The following NRN1 variants were observed in gnomAD, a reference collection of about 807,000 sequenced individuals.
NRN1 encodes neuritin.
NRN1 carries 4 observed loss-of-function variants against 15.0 expected under a neutral mutation model. The ratio of observed to expected loss-of-function variants is 0.27; its 90% CI spans 0.13 to 0.61. NRN1 has a LOEUF of 0.61. NRN1 is among the 20% of genes least tolerant of loss of function. The probability of loss-of-function intolerance (pLI) is 0.87; values close to 1 mark genes in which losing one functional copy is unlikely to be tolerated. For missense variants in NRN1, 134 were observed against 181.9 expected, an observed-to-expected ratio of 0.74 and a Z score of 1.51; for synonymous variants, 85 against 79.8, an observed-to-expected ratio of 1.07 and a Z score of -0.35.
At position 6,006,746 on chromosome 6, in the gene NRN1, C is replaced by T; in HGVS notation, c.4G>A (p.Gly2Arg). 1 of 1,614,066 alleles carries T rather than the reference C, an allele frequency of 6.2e-7. No individual in the cohort carries two copies. Among genetic ancestry groups the T allele is most frequent in the Non-Finnish European group, 8.5e-7 (1 of 1,179,958 alleles). MGLKLNGRYISL... is the reference protein window; with the variant it reads MRLKLNGRYISL... ...ATATATCTGCCGTTCAACTTAAGTC[C>T]CATCCTACGTTTAGTCAAACCATTT... Residue 2 changes from glycine to arginine, a missense_variant, in exon 1 of 3, where the codon GGA becomes AGA. Transcript: ENST00000244766.
At chr6:6,002,541 C>T (rs1225511463) in intron 1 of NRN1, 44 bp from the exon 2 acceptor site, 3 of 1,592,432 alleles carry the variant, frequency 1.9e-6, no homozygotes, top group East Asian at 2.2e-5. Flanking sequence ...CACGACCCCG[C>T]CCTGCCGCCC....
At chr6:6,007,416 G>A (rs1004574114), upstream of NRN1, 1 of 152,234 alleles carries the variant, frequency 6.6e-6, no homozygotes, top group Non-Finnish European at 1.5e-5. Flanking sequence ...AGCGGGAGAG[G>A]GAAAAACAGC....
upstream of NRN1, chr6:6,007,108 T>C (rs983333340): frequency 4.1e-6 from 1 of 242,342 alleles, no homozygotes; most frequent in African/African-American, 2.3e-5. Flanking sequence ...AATCGCCATT[T>C]ATAGTCATCA....
At chr6:6,004,211 G>A (rs1476154668) in intron 1 of NRN1, among the ~76,000 whole-genome samples, 1 of 152,212 alleles carries the variant, frequency 6.6e-6, no homozygotes, top group Non-Finnish European at 1.5e-5. Context: ...TCACCTTACA[G>A]CGAACATTAA....
intron 1 of NRN1, among the ~76,000 whole-genome samples, chr6:6,005,705 T>C (rs1157953801): frequency 5.9e-5 from 9 of 152,228 alleles, no homozygotes; most frequent in Admixed American, 2.6e-4. Flanking sequence ...GTTTCTTTTT[T>C]CCCCCGTGTT....
chr6:6,002,915 G>C lies in NRN1; in HGVS notation c.56-418C>G, dbSNP rs892281136. ...CAAGCCCTGTCACAGCTCTCGCAAT[G>C]CGATCTTCCATTTTGAGGTGACAGA... On this transcript the variant is annotated intron_variant, in intron 1 of 2. Transcript: ENST00000244766. 7.7e-6 allele frequency: 3 copies of C among 388,212 alleles called. No homozygotes were observed. The East Asian group carries it at 1.2e-4, about 15-fold the overall frequency. The allele number at this position is 388,212 out of a possible 1,614,324, so 24.0% of individuals were successfully genotyped here.
chr6:6,000,228 C>A (rs1383407567), intron 2 of NRN1, among the ~76,000 whole-genome samples: 2 of 152,208 alleles, frequency 1.3e-5, no homozygotes, highest in Non-Finnish European at 2.9e-5. Flanking sequence ...CGGAGCCTGG[C>A]GCCTAACTCA....
Position 5,998,263 on chromosome 6 carries a change from G to C in NRN1, c.*713C>G, listed in dbSNP as rs575621890. 6.6e-6 allele frequency: 1 copy of C among 152,206 alleles called. No individual in the cohort carries two copies. The highest frequency in any genetic ancestry group is 2.4e-5 in the African/African-American group (1 of 41,416). 9.4% of individuals were successfully genotyped at this position (152,206 alleles called of 1,614,324 possible). A position where few individuals can be genotyped will look rare whatever the true frequency, so the allele number is the denominator to read the frequency against. Reference sequence around the variant, plus strand: ...AGAGGGAGGAGGGAAAATAAAGGCAGTGAACTTGGACGGATGCATCAACAA... The same window carrying C: ...AGAGGGAGGAGGGAAAATAAAGGCACTGAACTTGGACGGATGCATCAACAA... On this transcript the variant is annotated 3_prime_UTR_variant, in exon 3 of 3. Coordinates refer to ENST00000244766, the MANE Select transcript of NRN1 (RefSeq NM_016588.3).
Position 6,002,482 on chromosome 6 carries a change from G to C in NRN1, c.71C>G (p.Ala24Gly). 1 of 1,613,906 alleles carries C rather than the reference G, an allele frequency of 6.2e-7. No homozygotes were observed. The highest frequency in any genetic ancestry group is 2.2e-5 in the East Asian group (1 of 44,882). Reference sequence around the variant, plus strand: ...ATCGCACTTGCCCGCTGCTCTCACGGCCTGCACCAGATACGCTGCGGGGAG... The same window carrying C: ...ATCGCACTTGCCCGCTGCTCTCACGCCCTGCACCAGATACGCTGCGGGGAG... ...LAVQIAYLVQ[A>G]VRAAGKCDAV... The change falls in exon 2 of 3, where the codon GCC becomes GGC. Residue 24 changes from alanine to glycine, a missense_variant. Coordinates refer to ENST00000244766, the MANE Select transcript of NRN1 (RefSeq NM_016588.3).
chr6:5,998,531 C>T lies in NRN1; in HGVS notation c.*445G>A, dbSNP rs1757830916. 6.4e-6 allele frequency: 1 copy of T among 155,842 alleles called. No homozygotes were observed. The highest frequency in any genetic ancestry group is 1.4e-5 in the Non-Finnish European group (1 of 70,240). The allele number at this position is 155,842 out of a possible 1,614,324, so 9.7% of individuals were successfully genotyped here. On this transcript the variant is annotated 3_prime_UTR_variant, in exon 3 of 3. Transcript: ENST00000244766. ...CCGTATGTTTCGTCCGTGGACATCT[C>T]TCTTGAATTCATTCCCCTGGCCTTC...
intron 1 of NRN1, among the ~76,000 whole-genome samples, chr6:6,004,746 GA>G (rs1758063177): frequency 6.6e-6 from 1 of 152,140 alleles, no homozygotes; most frequent in Non-Finnish European, 1.5e-5. Flanking sequence ...TGTCCTTCCT[GA>G]ACCCCGCTTA....
chr6:6,006,902 G>A lies in NRN1; in HGVS notation c.-153C>T. ...AGGCAGAGGGAGGAGAGAAAGAGAG[G>A]GAGCGAGGAAGAGACAGAAAGAGAG... On this transcript the variant is annotated 5_prime_UTR_variant, in exon 1 of 3. Coordinates refer to ENST00000244766, the MANE Select transcript of NRN1 (RefSeq NM_016588.3). 6 of 573,144 alleles carry A rather than the reference G, an allele frequency of 1.0e-5. No homozygotes were observed. Among genetic ancestry groups the A allele is most frequent in the South Asian group, 1.9e-5 (1 of 53,370 alleles). The allele number at this position is 573,144 out of a possible 1,614,324, so 35.5% of individuals were successfully genotyped here.
intron 2 of NRN1, among the ~76,000 whole-genome samples, chr6:6,001,649 C>T (rs1172469274): frequency 6.6e-6 from 1 of 152,196 alleles, no homozygotes; most frequent in East Asian, 1.9e-4. Flanking sequence ...TATTCCAAAT[C>T]TCGGAATCTG....
intron 1 of NRN1, 90 bp from the exon 2 acceptor site, chr6:6,002,587 C>T (rs1757983893): frequency 2.0e-6 from 3 of 1,519,430 alleles, no homozygotes; most frequent in Admixed American, 3.8e-5. Context: ...CTCCGCGCGG[C>T]CTCATCGCAT....
At chr6:5,999,835 C>T (rs1038360923) in intron 2 of NRN1, among the ~76,000 whole-genome samples, 14 of 152,168 alleles carry the variant, frequency 9.2e-5, no homozygotes, top group Admixed American at 2.6e-4. Flanking sequence ...CTCTTCTGTT[C>T]CCCACTTCCT....
At chr6:6,006,955 G>C, upstream of NRN1, 2 of 148,672 alleles carry the variant, frequency 1.3e-5, no homozygotes, top group South Asian at 5.9e-5. Flanking sequence ...GAGAGAGAGA[G>C]AGGCTGAGGG....
chr6:6,004,371 A>G (rs370692408), intron 1 of NRN1, among the ~76,000 whole-genome samples: 143 of 151,948 alleles, frequency 9.4e-4, no homozygotes, highest in African/African-American at 3.3e-3. Flanking sequence ...AGCTTTGCAG[A>G]GAAGAAACGA....
In NRN1 at chr6:5,998,637, C is replaced by T. The variant is rs1431737498; in HGVS notation, c.*339G>A. ...GATTAATATAGTAGGTGGCCCAGGG[C>T]CGTTCCTGAGATTCTTTTGCCAACA... On this transcript the variant is annotated 3_prime_UTR_variant, in exon 3 of 3. Transcript: ENST00000244766. 5.2e-6 allele frequency: 1 copy of T among 190,544 alleles called. No homozygotes were observed. The highest frequency in any genetic ancestry group is 2.4e-5 in the African/African-American group (1 of 42,214). The allele number at this position is 190,544 out of a possible 1,614,324, so 11.8% of individuals were successfully genotyped here.
chr6:6,004,676 C>A (rs1005737191), intron 1 of NRN1, among the ~76,000 whole-genome samples: 3 of 152,214 alleles, frequency 2.0e-5, no homozygotes, highest in Non-Finnish European at 4.4e-5. Flanking sequence ...GGAGGCTGCG[C>A]GCGGGACGGA....
Sources: gnomAD v4.1 joint callset for allele counts (sites outside exome capture counted in the v4.1 genomes callset) on GRCh38, gnomAD v4.1.1 for gene constraint, MANE v1.5 for transcripts, NCBI Gene and HGNC (gene_info 2026-07-23, HGNC 2026-07-21) for gene names.